JAKMIP2: variants seen among roughly 807,000 people sequenced by gnomAD.
JAKMIP2 encodes the protein janus kinase and microtubule-interacting protein 2.
Under a neutral mutation model 115.0 loss-of-function variants are expected in JAKMIP2, and 25 were observed. The observed-to-expected ratio is 0.22, with a 90% confidence interval of 0.16 to 0.30. The LOEUF (loss-of-function observed/expected upper bound fraction) is 0.30. Among genes scored for constraint, JAKMIP2 ranks in the 10% least tolerant of loss-of-function variants. The probability of loss-of-function intolerance (pLI) is 1.00; values close to 1 mark genes in which losing one functional copy is unlikely to be tolerated. For synonymous variants in JAKMIP2, 334 were observed against 343.6 expected (o/e 0.97, Z 0.31); for missense variants, 642 against 957.6 (o/e 0.67, Z 4.35).
intron 1 of JAKMIP2, among the ~76,000 whole-genome samples, chr5:147,721,926 A>G (rs1421366356): frequency 6.6e-6 from 1 of 152,144 alleles, no homozygotes; most frequent in Non-Finnish European, 1.5e-5. Flanking sequence ...AAATATGGGT[A>G]TCACCTTCCT....
At chr5:147,764,298 G>A (rs1011637047) in intron 1 of JAKMIP2, among the ~76,000 whole-genome samples, 4 of 152,010 alleles carry the variant, frequency 2.6e-5, no homozygotes, top group African/African-American at 9.7e-5. Flanking sequence ...TGTGAAACAA[G>A]GAGAACAATT....
intron 1 of JAKMIP2, among the ~76,000 whole-genome samples, chr5:147,729,855 G>T (rs1043458204): frequency 6.6e-6 from 1 of 151,966 alleles, no homozygotes; most frequent in African/African-American, 2.4e-5. Flanking sequence ...AAACACAAGA[G>T]TCAAAGAAGA....
chr5:147,689,720 C>G (rs956620518), intron 1 of JAKMIP2, among the ~76,000 whole-genome samples: 3 of 152,150 alleles, frequency 2.0e-5, no homozygotes, highest in African/African-American at 7.2e-5. Flanking sequence ...CTGAGGGTGT[C>G]CATGCCCTCA....
chr5:147,688,175 T>C (rs1760660592), intron 1 of JAKMIP2, among the ~76,000 whole-genome samples: 1 of 152,230 alleles, frequency 6.6e-6, no homozygotes, highest in Admixed American at 6.5e-5. Flanking sequence ...CTAAACACAT[T>C]TGCTGTCCAG....
intron 3 of JAKMIP2, among the ~76,000 whole-genome samples, chr5:147,653,895 T>C (rs1484638739): frequency 6.6e-6 from 1 of 152,220 alleles, no homozygotes; most frequent in African/African-American, 2.4e-5. Context: ...GTATAAGGTG[T>C]AAGGAAGGGA....
At chr5:147,708,807 C>T (rs980715822) in intron 1 of JAKMIP2, among the ~76,000 whole-genome samples, 1 of 152,100 alleles carries the variant, frequency 6.6e-6, no homozygotes, top group Admixed American at 6.6e-5. Flanking sequence ...CCCTTTGTAA[C>T]ATTGTAGGTT....
intron 1 of JAKMIP2, among the ~76,000 whole-genome samples, chr5:147,729,951 A>G (rs192570598): frequency 6.6e-6 from 1 of 152,246 alleles, no homozygotes; most frequent in East Asian, 1.9e-4. Flanking sequence ...ATTATCTACA[A>G]GACCATAGAG....
intron 20 of JAKMIP2, among the ~76,000 whole-genome samples, chr5:147,611,977 T>A (rs1756351763): frequency 6.6e-6 from 1 of 151,844 alleles, no homozygotes; most frequent in Admixed American, 6.5e-5. Context: ...GCTAAAAGAT[T>A]TTTTTAAAAA....
chr5:147,609,860 T>C (rs1275666548), intron 20 of JAKMIP2, among the ~76,000 whole-genome samples: 1 of 152,206 alleles, frequency 6.6e-6, no homozygotes, highest in Non-Finnish European at 1.5e-5. Context: ...TAGTCTCATA[T>C]TTCTTAGAAG....
intron 1 of JAKMIP2, among the ~76,000 whole-genome samples, chr5:147,780,053 C>G (rs975555357): frequency 1.3e-5 from 2 of 152,132 alleles, no homozygotes; most frequent in Non-Finnish European, 2.9e-5. Context: ...CTTAGCTTAT[C>G]TGAAACAAAC....
chr5:147,756,283 T>C (rs1000458959), intron 1 of JAKMIP2, among the ~76,000 whole-genome samples: 2 of 152,130 alleles, frequency 1.3e-5, no homozygotes, highest in African/African-American at 2.4e-5. Flanking sequence ...GGAGAAATCA[T>C]TTAAGTCAGT....
rs188074474 is a variant in JAKMIP2 at position 147,696,923 on chromosome 5, T to G, written c.-148-24969A>C. On this transcript the variant is annotated intron_variant, in intron 1 of 21. Transcript: ENST00000616793. ...GAACTTTGAACTTGGGAGAGATGAT[T>G]TAGGGTATCTGGCAGAAGAAATTTC... 1.3e-3 allele frequency among the ~76,000 whole-genome samples: 199 copies of G among 152,200 alleles called. 3 individuals are homozygous for G. The highest frequency in any genetic ancestry group is 4.6e-3 in the African/African-American group (192 of 41,528).
At chr5:147,691,047 G>A (rs1157363901) in intron 1 of JAKMIP2, among the ~76,000 whole-genome samples, 6 of 152,092 alleles carry the variant, frequency 3.9e-5, no homozygotes, top group Admixed American at 3.9e-4. Flanking sequence ...ATTGGTTAAT[G>A]TGACGGACTA....
chr5:147,597,380 T>C (rs1427023849), intron 21 of JAKMIP2, among the ~76,000 whole-genome samples: 1 of 152,160 alleles, frequency 6.6e-6, no homozygotes, highest in African/African-American at 2.4e-5. Context: ...AGACAGGAAG[T>C]AAAAATATTG....
intron 1 of JAKMIP2, among the ~76,000 whole-genome samples, chr5:147,704,956 G>C (rs1042126647): frequency 3.9e-5 from 6 of 152,144 alleles, no homozygotes; most frequent in Admixed American, 6.6e-5. Context: ...AGCAGAGTAT[G>C]AATTACAAGG....
chr5:147,626,823 T>C (rs1229731471), intron 16 of JAKMIP2, among the ~76,000 whole-genome samples: 1 of 152,212 alleles, frequency 6.6e-6, no homozygotes, highest in Non-Finnish European at 1.5e-5. Flanking sequence ...GCCCATGTTT[T>C]GTTTGTAGCC....
chr5:147,625,906 G>T (rs150297986), intron 16 of JAKMIP2, among the ~76,000 whole-genome samples: 2 of 152,214 alleles, frequency 1.3e-5, no homozygotes, highest in Admixed American at 1.3e-4. Flanking sequence ...TGGTTGTAAG[G>T]AACAGTACAT....
intron 1 of JAKMIP2, among the ~76,000 whole-genome samples, chr5:147,715,830 T>C (rs1043533158): frequency 1.4e-5 from 2 of 146,432 alleles, no homozygotes; most frequent in Admixed American, 1.4e-4. Context: ...TTTTTTTTTT[T>C]GGCCAATTTA....
intron 1 of JAKMIP2, among the ~76,000 whole-genome samples, chr5:147,731,419 A>G (rs535587808): frequency 9.2e-5 from 14 of 152,340 alleles, no homozygotes; most frequent in Admixed American, 4.6e-4. Flanking sequence ...TAAATTATAC[A>G]TAATACTCTT....
Sources: allele counts gnomAD v4.1 joint callset (sites outside exome capture counted in the v4.1 genomes callset), GRCh38; gene constraint gnomAD v4.1.1; transcripts MANE v1.5; gene names NCBI Gene and HGNC (gene_info 2026-07-23, HGNC 2026-07-21).